Variants in CACNA1C observed in about 807,000 individuals in gnomAD.
CACNA1C encodes the protein voltage-dependent L-type calcium channel subunit alpha-1C.
In CACNA1C, 30 loss-of-function variants were observed where a neutral mutation model predicts 229.0. The observed-to-expected ratio is 0.13, with a 90% confidence interval of 0.10 to 0.18. The LOEUF (loss-of-function observed/expected upper bound fraction) is 0.18. Ranked by LOEUF, CACNA1C falls within the 10% of genes least tolerant of loss-of-function variation. The pLI, the probability that CACNA1C is intolerant of heterozygous loss-of-function variation, is 1.00. For synonymous variants in CACNA1C, 1,114 were observed against 1,132.5 expected (o/e 0.98, Z 0.33); for missense variants, 1,658 against 2,845.0 (o/e 0.58, Z 9.49).
At chr12:2,546,843 G>A (rs2099882202) in intron 9 of CACNA1C, among the ~76,000 whole-genome samples, 1 of 152,224 alleles carries the variant, frequency 6.6e-6, no homozygotes, top group Non-Finnish European at 1.5e-5. Context: ...GGTCTTTGCT[G>A]AATAGAATTG....
chr12:2,428,164 C>T (rs1268573401), intron 3 of CACNA1C, among the ~76,000 whole-genome samples: 2 of 151,940 alleles, frequency 1.3e-5, no homozygotes, highest in African/African-American at 2.4e-5. Context: ...AGAAGCAAGC[C>T]CCAATTTTTT....
Position 2,320,967 on chromosome 12 carries a change from C to G in CACNA1C, c.478-128009C>G, listed in dbSNP as rs1367020075. Among the ~76,000 whole-genome samples, 3 of 152,368 alleles carry G rather than the reference C, an allele frequency of 2.0e-5. No individual in the cohort carries two copies. The East Asian group carries it at 5.8e-4, about 29-fold the overall frequency. ...AACCCTGGGGGGCCCAGAGGAGGGG[C>G]TTCCATCACCACACGGATGCTGCAG... On this transcript the variant is annotated intron_variant, in intron 3 of 46. Transcript: ENST00000399655.
intron 3 of CACNA1C, among the ~76,000 whole-genome samples, chr12:2,243,063 T>G (rs2071302546): frequency 6.6e-6 from 1 of 152,184 alleles, no homozygotes; most frequent in Non-Finnish European, 1.5e-5. Flanking sequence ...TAGAATGAGA[T>G]CTGTCTTTGT....
intron 5 of CACNA1C, among the ~76,000 whole-genome samples, chr12:2,468,994 A>T (rs2099575557): frequency 6.6e-6 from 1 of 151,422 alleles, no homozygotes. Flanking sequence ...CTTGCATGTT[A>T]GTTAGTTTAG....
intron 1 of CACNA1C, among the ~76,000 whole-genome samples, chr12:1,993,837 T>A (rs1259169840): frequency 6.6e-6 from 1 of 152,156 alleles, no homozygotes; most frequent in African/African-American, 2.4e-5. Context: ...TGAAGAAAAT[T>A]TTCATAGAAA....
intron 21 of CACNA1C, among the ~76,000 whole-genome samples, chr12:2,599,817 C>T (rs2070955029): frequency 6.6e-6 from 1 of 152,196 alleles, no homozygotes; most frequent in Non-Finnish European, 1.5e-5. Flanking sequence ...GTAAATGCTA[C>T]GTTTTCCCCA....
At chr12:2,233,415 T>G (rs1355413884) in intron 3 of CACNA1C, among the ~76,000 whole-genome samples, 3 of 152,262 alleles carry the variant, frequency 2.0e-5, no homozygotes, top group African/African-American at 7.2e-5. Flanking sequence ...AGTAAAATTC[T>G]GCCTTTAACA....
intron 3 of CACNA1C, among the ~76,000 whole-genome samples, chr12:2,184,167 G>C (rs2096927912): frequency 6.6e-6 from 1 of 152,258 alleles, no homozygotes; most frequent in Admixed American, 6.5e-5. Context: ...AGGATTTTCA[G>C]GTGTGCGTGT....
intron 3 of CACNA1C, among the ~76,000 whole-genome samples, chr12:2,197,233 ACT>A (rs1167658697): frequency 1.3e-5 from 2 of 151,580 alleles, no homozygotes; most frequent in Non-Finnish European, 2.9e-5. Context: ...AAATCCCATC[ACT>A]CTCTCTGCTG....
At chr12:2,313,798 T>C (rs1285213144) in intron 3 of CACNA1C, among the ~76,000 whole-genome samples, 6 of 152,138 alleles carry the variant, frequency 3.9e-5, no homozygotes, top group Non-Finnish European at 7.4e-5. Flanking sequence ...GCAGACAGGG[T>C]TTTAGCTGAA....
rs1050862072 is a variant in CACNA1C at position 2,096,185 on chromosome 12, C to T, written c.50-19039C>T. ...AGGTCCGATGCCTGATTTTTAACGG[C>T]GCTTGAGAAAACTGTTGATATATTT... On this transcript the variant is annotated intron_variant, in intron 1 of 46. Transcript: ENST00000399655. Among the ~76,000 whole-genome samples the T allele has an allele frequency of 3.3e-5, 5 of 152,276 alleles. No homozygotes were observed. In the South Asian group the frequency reaches 6.2e-4, roughly 19 times the overall value.
intron 3 of CACNA1C, among the ~76,000 whole-genome samples, chr12:2,352,237 C>T (rs1460843861): frequency 1.3e-5 from 2 of 152,208 alleles, no homozygotes; most frequent in East Asian, 3.8e-4. Flanking sequence ...TTACTTTCTT[C>T]TCCCACTCTC....
At chr12:2,025,312 G>A (rs1468389280) in intron 1 of CACNA1C, among the ~76,000 whole-genome samples, 1 of 152,188 alleles carries the variant, frequency 6.6e-6, no homozygotes, top group African/African-American at 2.4e-5. Context: ...AAGCGGTGGT[G>A]TCTCAGCACA....
intron 3 of CACNA1C, among the ~76,000 whole-genome samples, chr12:2,439,203 C>T (rs868071628): frequency 3.9e-5 from 6 of 152,140 alleles, no homozygotes; most frequent in African/African-American, 1.2e-4. Context: ...GGGCTTCTGC[C>T]CTGGGCAGGT....
At chr12:2,565,547 G>A (rs567742534) in intron 11 of CACNA1C, among the ~76,000 whole-genome samples, 11 of 152,130 alleles carry the variant, frequency 7.2e-5, no homozygotes, top group Non-Finnish European at 1.0e-4. Context: ...TGGGGCTTGC[G>A]GACCAGTGGG....
chr12:2,492,540 G>A (rs537882593), intron 6 of CACNA1C, among the ~76,000 whole-genome samples: 112 of 152,336 alleles, frequency 7.4e-4, no homozygotes, highest in African/African-American at 2.6e-3. Context: ...TAAGGAAAAC[G>A]GCTGCAGGTG....
At position 2,655,247 on chromosome 12, in the gene CACNA1C, C is replaced by G. The variant is rs754020464; in HGVS notation, c.4232+9C>G. The G allele has an allele frequency of 6.4e-7, 1 of 1,573,140 alleles. No homozygotes were observed. Among genetic ancestry groups the G allele is most frequent in the Non-Finnish European group, 8.7e-7 (1 of 1,143,558 alleles). On this transcript the variant is annotated intron_variant, in intron 34 of 46. Coordinates refer to ENST00000399655, the MANE Select transcript of CACNA1C (RefSeq NM_000719.7). ...GTGCTGCTCCTCTTCAGGTGGGTCC[C>G]TGAAGACATAGGTGCACAGATACAC...
At position 2,534,314 on chromosome 12, in the gene CACNA1C, G is replaced by A. The variant is rs139727798; in HGVS notation, c.1391-15629G>A. 2.1e-4 allele frequency among the ~76,000 whole-genome samples: 32 copies of A among 152,294 alleles called. No individual in the cohort carries two copies. The East Asian group carries it at 2.3e-3, about 11-fold the overall frequency. On this transcript the variant is annotated intron_variant, in intron 9 of 46. Coordinates refer to ENST00000399655, the MANE Select transcript of CACNA1C (RefSeq NM_000719.7). The stretch of plus-strand genomic sequence containing the variant: ...GGAAAGGGAAGGTGTAGTTAGATGG[G>A]TAGAGTGAAAGCGGATTGCCAAGGG...
chr12:2,607,754 T>A, intron 26 of CACNA1C: 1 of 152,286 alleles, frequency 6.6e-6, no homozygotes, highest in African/African-American at 2.4e-5. Flanking sequence ...AGATACCTGC[T>A]TTTCCCCCAA....
Sources: allele counts gnomAD v4.1 joint callset (sites outside exome capture counted in the v4.1 genomes callset), GRCh38; gene constraint gnomAD v4.1.1; transcripts MANE v1.5; gene names NCBI Gene and HGNC (gene_info 2026-07-23, HGNC 2026-07-21).